Variants in GLRB observed in about 807,000 individuals in gnomAD.
GLRB encodes glycine receptor beta.
A neutral mutation model predicts 54.2 loss-of-function variants in GLRB; 33 were observed. The ratio of observed to expected loss-of-function variants is 0.61; its 90% confidence interval spans 0.46 to 0.81. The LOEUF (loss-of-function observed/expected upper bound fraction) is 0.81. GLRB is among the 40% of genes least tolerant of loss of function. GLRB has a pLI of 0.00. For missense variants in GLRB, 572 were observed against 584.6 expected, an observed-to-expected ratio of 0.98 and a Z score of 0.22; for synonymous variants, 209 against 208.2, an observed-to-expected ratio of 1.00 and a Z score of -0.03.
intron 4 of GLRB, among the ~76,000 whole-genome samples, chr4:157,135,322 T>C (rs1383075393): frequency 6.6e-6 from 1 of 152,134 alleles, no homozygotes; most frequent in Non-Finnish European, 1.5e-5. Context: ...TGATTTACCT[T>C]GATAAAACAC....
Position 157,078,106 on chromosome 4 carries a change from A to G in GLRB, c.82A>G (p.Lys28Glu). The change falls in exon 2 of 10, where the codon AAG becomes GAG. Residue 28 changes from lysine (K) to glutamate (E), a missense_variant. By Grantham distance (56) the Lys-to-Glu change is moderately conservative. Transcript: ENST00000264428. ...EEAYSKEKSS[K>E]KGKGKKKQYL... ...AGCCTATTCTAAGGAAAAGTCTTCAAAGAAAGGGAAGGGGAAAAAGAAGCA... is the reference window on the plus strand; with the variant it reads ...AGCCTATTCTAAGGAAAAGTCTTCAGAGAAAGGGAAGGGGAAAAAGAAGCA... 6.2e-7 allele frequency: 1 copy of G among 1,612,320 alleles called. No homozygotes were observed. The highest frequency in any genetic ancestry group is 8.5e-7 in the Non-Finnish European group (1 of 1,178,584).
intron 2 of GLRB, among the ~76,000 whole-genome samples, chr4:157,114,971 G>A (rs1310158730): frequency 6.6e-6 from 1 of 151,496 alleles, no homozygotes; most frequent in Non-Finnish European, 1.5e-5. Context: ...CTTTGGAAGG[G>A]AGTCACTATG....
chr4:157,086,280 C>T (rs1734410425), intron 2 of GLRB, among the ~76,000 whole-genome samples: 1 of 152,172 alleles, frequency 6.6e-6, no homozygotes, highest in Non-Finnish European at 1.5e-5. Context: ...TTAGATATTA[C>T]TTTGCTTTAT....
intron 9 of GLRB, among the ~76,000 whole-genome samples, chr4:157,158,590 T>C (rs1737332732): frequency 6.6e-6 from 1 of 152,208 alleles, no homozygotes; most frequent in African/African-American, 2.4e-5. Flanking sequence ...AAATAGAGAT[T>C]CATTTCCTTA....
At chr4:157,155,083 T>C (rs1737175445) in intron 9 of GLRB, among the ~76,000 whole-genome samples, 2 of 152,208 alleles carry the variant, frequency 1.3e-5, no homozygotes, top group African/African-American at 4.8e-5. Context: ...TTCATCTTCA[T>C]ATATTCCAAG....
intron 2 of GLRB, among the ~76,000 whole-genome samples, chr4:157,120,239 G>C (rs532305268): frequency 8.9e-6 from 1 of 112,526 alleles, no homozygotes; most frequent in Non-Finnish European, 1.8e-5. Context: ...GTTGTGGGGT[G>C]GGGGGAGGGG....
At chr4:157,162,729 G>A (rs567979797) in intron 9 of GLRB, among the ~76,000 whole-genome samples, 1 of 152,260 alleles carries the variant, frequency 6.6e-6, no homozygotes, top group African/African-American at 2.4e-5. Flanking sequence ...GGCTGTATGA[G>A]GTGTCAGTTG....
At chr4:157,141,060 C>T (rs558446051) in intron 7 of GLRB, among the ~76,000 whole-genome samples, 8 of 151,792 alleles carry the variant, frequency 5.3e-5, no homozygotes, top group South Asian at 2.1e-4. Context: ...AAGTAAACAA[C>T]GTAAAATATA....
At chr4:157,157,665 T>C (rs1040708299) in intron 9 of GLRB, among the ~76,000 whole-genome samples, 4 of 152,328 alleles carry the variant, frequency 2.6e-5, no homozygotes, top group Admixed American at 2.0e-4. Context: ...ACATAGGACA[T>C]GAACTCATCC....
chr4:157,113,392 A>T (rs1018721410), intron 2 of GLRB, among the ~76,000 whole-genome samples: 16 of 152,016 alleles, frequency 1.1e-4, no homozygotes, highest in African/African-American at 3.9e-4. Flanking sequence ...GGAGATCATT[A>T]GCAAACCCAT....
At chr4:157,135,223 C>A (rs918440314) in intron 4 of GLRB, among the ~76,000 whole-genome samples, 1 of 151,940 alleles carries the variant, frequency 6.6e-6, no homozygotes, top group African/African-American at 2.4e-5. Flanking sequence ...TTATACTGAA[C>A]CTTAATATCA....
At chr4:157,143,703 A>G in intron 7 of GLRB, 104 bp from the exon 8 acceptor site, 2 of 1,136,570 alleles carry the variant, frequency 1.8e-6, no homozygotes, top group Admixed American at 2.0e-5. Context: ...CCTCTGTGAA[A>G]TTGCCTCAGA....
intron 9 of GLRB, among the ~76,000 whole-genome samples, chr4:157,161,710 T>C (rs1408007754): frequency 6.6e-6 from 1 of 152,252 alleles, no homozygotes; most frequent in Non-Finnish European, 1.5e-5. Flanking sequence ...GCTGTTAGTC[T>C]GATGGGCTTC....
chr4:157,107,097 A>G (rs1042592679), intron 2 of GLRB, among the ~76,000 whole-genome samples: 1 of 152,102 alleles, frequency 6.6e-6, no homozygotes, highest in African/African-American at 2.4e-5. Flanking sequence ...GGGGTGCCAC[A>G]AATCATGCCC....
In GLRB at chr4:157,106,592, T is replaced by TC. The variant is rs1330745589; in HGVS notation, c.123-13964_123-13963insC. On this transcript the variant is annotated intron_variant, in intron 2 of 9. Transcript: ENST00000264428. ...TAGGTGAATTCTTTCTCTCTCTCTCTTTTTTTTTCCTGGAGCTAGGACAAC... is the reference window on the plus strand; with the variant it reads ...TAGGTGAATTCTTTCTCTCTCTCTCTCTTTTTTTTCCTGGAGCTAGGACAAC... 4.0e-5 allele frequency among the ~76,000 whole-genome samples: 6 copies of TC among 150,820 alleles called. No homozygotes were observed. The East Asian group carries it at 7.8e-4, about 20-fold the overall frequency.
At chr4:157,153,140 A>G in intron 9 of GLRB, 130 bp downstream of exon 9, 2 of 839,398 alleles carry the variant, frequency 2.4e-6, no homozygotes, top group Admixed American at 2.0e-5. Flanking sequence ...ACAGATGAAA[A>G]CAAACTGAGC....
chr4:157,161,630 C>T (rs1011763070), intron 9 of GLRB, among the ~76,000 whole-genome samples: 1 of 152,114 alleles, frequency 6.6e-6, no homozygotes, highest in Non-Finnish European at 1.5e-5. Flanking sequence ...GTTGAAAATT[C>T]TTCTCTTTAA....
chr4:157,100,434 C>T (rs973990445), intron 2 of GLRB, among the ~76,000 whole-genome samples: 1 of 152,172 alleles, frequency 6.6e-6, no homozygotes. Context: ...TTTTCTGCCT[C>T]ACTGGTATAT....
chr4:157,132,651 T>C (rs1011794554), intron 4 of GLRB, among the ~76,000 whole-genome samples: 2 of 151,886 alleles, frequency 1.3e-5, no homozygotes, highest in Non-Finnish European at 2.9e-5. Context: ...TGTTTAATCA[T>C]CACTTCCTGA....
Sources: gnomAD v4.1 joint callset for allele counts (sites outside exome capture counted in the v4.1 genomes callset) on GRCh38, gnomAD v4.1.1 for gene constraint, MANE v1.5 for transcripts, NCBI Gene and HGNC (gene_info 2026-07-23, HGNC 2026-07-21) for gene names.